CMIP: variants seen among roughly 807,000 people sequenced by gnomAD.
The protein encoded by CMIP is C-Maf-inducing protein.
In CMIP, 13 loss-of-function variants were observed where a neutral mutation model predicts 97.3. The ratio of observed to expected loss-of-function variants is 0.13; its 90% CI spans 0.09 to 0.21. CMIP has a LOEUF of 0.21. CMIP is among the 10% of genes least tolerant of loss of function. The probability of loss-of-function intolerance (pLI) is 1.00; values close to 1 mark genes in which losing one functional copy is unlikely to be tolerated. For synonymous variants in CMIP, 538 were observed against 436.3 expected (o/e 1.23, Z -2.91); for missense variants, 847 against 1,024.9 (o/e 0.83, Z 2.37).
At chr16:81,537,561 A>C (rs2090368375) in intron 1 of CMIP, among the ~76,000 whole-genome samples, 1 of 148,676 alleles carries the variant, frequency 6.7e-6, no homozygotes, top group Admixed American at 6.7e-5. Flanking sequence ...AAAAAAAAAA[A>C]AAAAAAAAAA....
intron 1 of CMIP, among the ~76,000 whole-genome samples, chr16:81,502,648 C>G (rs1413401506): frequency 1.3e-5 from 2 of 152,196 alleles, no homozygotes; most frequent in East Asian, 1.9e-4. Flanking sequence ...GAAGTCACAT[C>G]CAAGACCTGC....
chr16:81,455,715 G>A (rs550936173), intron 1 of CMIP, among the ~76,000 whole-genome samples: 57 of 152,324 alleles, frequency 3.7e-4, no homozygotes, highest in African/African-American at 9.4e-4. Flanking sequence ...TGGTAATGGC[G>A]TCAGGCTGCT....
intron 7 of CMIP, 54 bp downstream of exon 7, chr16:81,664,403 G>A (rs762271626): frequency 3.8e-5 from 57 of 1,519,374 alleles, no homozygotes; most frequent in Admixed American, 1.2e-4. Flanking sequence ...ATGAGGCCCC[G>A]CGCGCCTCCC....
intron 1 of CMIP, among the ~76,000 whole-genome samples, chr16:81,468,713 C>T (rs974230275): frequency 2.0e-5 from 3 of 152,208 alleles, no homozygotes; most frequent in African/African-American, 7.2e-5. Flanking sequence ...GGTGGGCACT[C>T]GTGGGAAGCA....
intron 1 of CMIP, among the ~76,000 whole-genome samples, chr16:81,594,780 ATTTTTTTTT>A (rs570057427): frequency 5.2e-5 from 6 of 115,078 alleles, no homozygotes; most frequent in African/African-American, 1.7e-4. Context: ...CGCCCAGCTA[ATTTTTTTTT>A]TTTTTTTTTT....
intron 9 of CMIP, among the ~76,000 whole-genome samples, chr16:81,675,127 G>A (rs796462480): frequency 6.6e-5 from 10 of 152,288 alleles, no homozygotes; most frequent in African/African-American, 2.4e-4. Flanking sequence ...CAGGAAGAGG[G>A]TGACCCAGGG....
intron 19 of CMIP, 144 bp from the exon 20 acceptor site, chr16:81,706,870 C>G: frequency 1.5e-6 from 1 of 687,520 alleles, no homozygotes; most frequent in Non-Finnish European, 2.6e-6. Flanking sequence ...CCTACCCTGG[C>G]TGTGTCTACG....
At chr16:81,629,369 T>C (rs1391797066) in intron 3 of CMIP, among the ~76,000 whole-genome samples, 1 of 151,970 alleles carries the variant, frequency 6.6e-6, no homozygotes, top group East Asian at 1.9e-4. Context: ...AACTTGAGGT[T>C]TGGAAGCCCA....
intron 1 of CMIP, among the ~76,000 whole-genome samples, chr16:81,517,257 G>C (rs2089934891): frequency 9.7e-6 from 1 of 102,748 alleles, no homozygotes; most frequent in South Asian, 2.8e-4. Context: ...TGAAAAACCA[G>C]ACGGCCTCCA....
intron 10 of CMIP, among the ~76,000 whole-genome samples, chr16:81,681,686 C>T (rs544244599): frequency 1.0e-3 from 157 of 152,330 alleles, no homozygotes; most frequent in African/African-American, 3.3e-3. Context: ...GAGAGAAAAG[C>T]CACATGGCAT....
chr16:81,584,923 C>G (rs542646477), intron 1 of CMIP, among the ~76,000 whole-genome samples: 1 of 152,324 alleles, frequency 6.6e-6, no homozygotes, highest in East Asian at 1.9e-4. Context: ...GAAGGGAGAG[C>G]AGAGGCTTTG....
chr16:81,469,243 C>T (rs977548810), intron 1 of CMIP, among the ~76,000 whole-genome samples: 4 of 152,194 alleles, frequency 2.6e-5, no homozygotes, highest in Non-Finnish European at 4.4e-5. Flanking sequence ...AGAATTGTCA[C>T]GTATAGGAAA....
At position 81,691,622 on chromosome 16, in the gene CMIP, G is replaced by A; in HGVS notation, c.1389-153G>A. 4.5e-6 allele frequency: 3 copies of A among 669,348 alleles called. No individual in the cohort carries two copies. In the South Asian group the frequency reaches 5.2e-5, roughly 12 times the overall value. The allele number at this position is 669,348 out of a possible 1,614,324, so 41.5% of individuals were successfully genotyped here. A position where few individuals can be genotyped will look rare whatever the true frequency, so the allele number is the denominator to read the frequency against. On this transcript the variant is annotated intron_variant, in intron 10 of 20. Coordinates refer to ENST00000537098, the MANE Select transcript of CMIP (RefSeq NM_198390.3). ...GAGGCCACGCTGAGAACATTGACTT[G>A]CTCATCCTGGAGGTGGAAGTGGGTG...
rs1039640893 is a variant in CMIP at position 81,627,964 on chromosome 16, C to A, written c.477+7038C>A. On this transcript the variant is annotated intron_variant, in intron 3 of 20. Transcript: ENST00000537098. The surrounding 1 kb of genome is among the most constrained non-coding windows in gnomAD (Gnocchi z 4.6). The stretch of plus-strand genomic sequence containing the variant: ...GCTGAGGGCAGGGCCTGGGTCATGT[C>A]CCCACTGGCTGCACCCTCAGGAGGG... 6.6e-6 allele frequency among the ~76,000 whole-genome samples: 1 copy of A among 152,142 alleles called. No homozygotes were observed. Among genetic ancestry groups the A allele is most frequent in the Non-Finnish European group, 1.5e-5 (1 of 68,014 alleles).
intron 1 of CMIP, among the ~76,000 whole-genome samples, chr16:81,454,514 A>G (rs1906427680): frequency 6.6e-6 from 1 of 152,254 alleles, no homozygotes; most frequent in African/African-American, 2.4e-5. Context: ...GATTTTGTCA[A>G]AAAAGTTAAG....
chr16:81,667,039 C>T (rs1355728185), intron 7 of CMIP: 2 of 151,658 alleles, frequency 1.3e-5, no homozygotes, highest in Non-Finnish European at 2.9e-5. Context: ...GTTGGGGTGG[C>T]ATGAACAGTG....
At chr16:81,668,148 C>T (rs1476856961) in intron 7 of CMIP, among the ~76,000 whole-genome samples, 2 of 152,102 alleles carry the variant, frequency 1.3e-5, no homozygotes, top group Non-Finnish European at 2.9e-5. Context: ...ATGCAGGCTG[C>T]TCTCCTTAAA....
At chr16:81,577,806 G>T (rs12446114) in intron 1 of CMIP, among the ~76,000 whole-genome samples, 5 of 15,976 alleles carry the variant, frequency 3.1e-4, no homozygotes, top group African/African-American at 1.1e-3. Flanking sequence ...CATCATCACC[G>T]TCATCCCCAT....
At chr16:81,481,652 G>A (rs1373618277) in intron 1 of CMIP, among the ~76,000 whole-genome samples, 2 of 152,170 alleles carry the variant, frequency 1.3e-5, no homozygotes, top group Non-Finnish European at 2.9e-5. Context: ...AGGCTTTGTG[G>A]CTTAAAGCAA....
Sources: allele counts gnomAD v4.1 joint callset (sites outside exome capture counted in the v4.1 genomes callset), GRCh38; gene constraint gnomAD v4.1.1; non-coding constraint Gnocchi (gnomAD v3.1); transcripts MANE v1.5; gene names NCBI Gene and HGNC (gene_info 2026-07-23, HGNC 2026-07-21).